Variants in HS6ST3 observed in about 807,000 individuals in gnomAD.
HS6ST3 encodes the protein heparan sulfate 6-O-sulfotransferase 3, also known as heparan-sulfate 6-O-sulfotransferase 3.
In HS6ST3, 12 loss-of-function variants were observed where a neutral mutation model predicts 36.7. The ratio of observed to expected loss-of-function variants is 0.33; its 90% CI spans 0.21 to 0.53. The LOEUF is 0.53. Ranked by LOEUF, HS6ST3 falls within the 20% of genes least tolerant of loss-of-function variation. The probability of loss-of-function intolerance (pLI) is 0.95; values close to 1 mark genes in which losing one functional copy is unlikely to be tolerated. For missense variants in HS6ST3, 584 were observed against 640.9 expected (o/e 0.91, Z 0.96); for synonymous variants, 240 against 257.5 (o/e 0.93, Z 0.65).
chr13:96,809,499 C>A (rs1878269527), intron 1 of HS6ST3, among the ~76,000 whole-genome samples: 1 of 152,156 alleles, frequency 6.6e-6, no homozygotes, highest in Non-Finnish European at 1.5e-5. Context: ...AACACAGAGC[C>A]CTCAGGTCCA....
chr13:96,269,041 A>G (rs1367731389), intron 1 of HS6ST3, among the ~76,000 whole-genome samples: 2 of 151,946 alleles, frequency 1.3e-5, no homozygotes, highest in African/African-American at 4.8e-5. Flanking sequence ...AACTGTTATT[A>G]TATTGTACTG....
rs149205509 is a variant in HS6ST3, at chr13:96,389,178, A to C, written c.707+297609A>C. ...ACTTGTATATAGCATAAATAAGTCTAGATATCTCATGTAAGACATGATGAC... is the reference window on the plus strand; with the variant it reads ...ACTTGTATATAGCATAAATAAGTCTCGATATCTCATGTAAGACATGATGAC... On this transcript the variant is annotated intron_variant, in intron 1 of 1. Transcript: ENST00000376705. Among the ~76,000 whole-genome samples the C allele has an allele frequency of 1.5e-3, 229 of 152,322 alleles. 1 individual carries two copies. The highest frequency in any genetic ancestry group is 5.2e-3 in the African/African-American group (216 of 41,578).
At chr13:96,578,314 T>A (rs1314829127) in intron 1 of HS6ST3, among the ~76,000 whole-genome samples, 3 of 152,136 alleles carry the variant, frequency 2.0e-5, no homozygotes, top group African/African-American at 7.2e-5. Flanking sequence ...TAAAAATGTG[T>A]GGCTGGTGGG....
chr13:96,263,667 A>C (rs1406507326), intron 1 of HS6ST3, among the ~76,000 whole-genome samples: 1 of 152,248 alleles, frequency 6.6e-6, no homozygotes, highest in Non-Finnish European at 1.5e-5. Context: ...ATAGTTCTTA[A>C]GTATTTAATG....
intron 1 of HS6ST3, among the ~76,000 whole-genome samples, chr13:96,414,006 A>G (rs898712375): frequency 6.6e-6 from 1 of 152,226 alleles, no homozygotes; most frequent in Non-Finnish European, 1.5e-5. Flanking sequence ...TAAACTGGAC[A>G]ATAGCCAAAT....
At chr13:96,543,072 C>G (rs919579629) in intron 1 of HS6ST3, among the ~76,000 whole-genome samples, 2 of 152,144 alleles carry the variant, frequency 1.3e-5, no homozygotes, top group Non-Finnish European at 2.9e-5. Context: ...CATACCATGT[C>G]CCTATCTTTA....
chr13:96,808,562 T>C (rs1428965430), intron 1 of HS6ST3, among the ~76,000 whole-genome samples: 2 of 152,200 alleles, frequency 1.3e-5, no homozygotes, highest in African/African-American at 4.8e-5. Context: ...GACTTGAACG[T>C]AAAATAAGTC....
chr13:96,207,517 A>T (rs2054376811), intron 1 of HS6ST3, among the ~76,000 whole-genome samples: 2 of 152,122 alleles, frequency 1.3e-5, no homozygotes, highest in Admixed American at 1.3e-4. Context: ...TGTTATAAAG[A>T]TACCTGCATG....
chr13:96,102,161 T>G (rs2053821461), intron 1 of HS6ST3, among the ~76,000 whole-genome samples: 1 of 152,222 alleles, frequency 6.6e-6, no homozygotes, highest in African/African-American at 2.4e-5. Context: ...AGAGGTGGAC[T>G]AATGGATATT....
chr13:96,175,402 T>C (rs2054207714), intron 1 of HS6ST3, among the ~76,000 whole-genome samples: 1 of 152,126 alleles, frequency 6.6e-6, no homozygotes, highest in Non-Finnish European at 1.5e-5. Context: ...TCTTTATCTT[T>C]GATATGTGAA....
At chr13:96,233,148 T>C (rs2054516462) in intron 1 of HS6ST3, among the ~76,000 whole-genome samples, 1 of 152,208 alleles carries the variant, frequency 6.6e-6, no homozygotes, top group Admixed American at 6.5e-5. Context: ...TGTGGAAATA[T>C]TTCTATAAAT....
At chr13:96,210,960 C>T (rs1475879783) in intron 1 of HS6ST3, among the ~76,000 whole-genome samples, 1 of 151,180 alleles carries the variant, frequency 6.6e-6, no homozygotes, top group Non-Finnish European at 1.5e-5. Flanking sequence ...GAGACAGAGT[C>T]TCACTCTGTT....
At chr13:96,623,724 TGA>T (rs1243617826) in intron 1 of HS6ST3, among the ~76,000 whole-genome samples, 1 of 152,160 alleles carries the variant, frequency 6.6e-6, no homozygotes, top group African/African-American at 2.4e-5. Context: ...CCTCACTTGT[TGA>T]GAGTGGTGTT....
intron 1 of HS6ST3, among the ~76,000 whole-genome samples, chr13:96,258,569 T>C (rs1285416702): frequency 1.3e-5 from 2 of 152,162 alleles, no homozygotes; most frequent in African/African-American, 4.8e-5. Context: ...AGAGTAAAGA[T>C]TAAACAAGAT....
intron 1 of HS6ST3, among the ~76,000 whole-genome samples, chr13:96,329,935 A>C (rs1026178439): frequency 2.0e-5 from 3 of 149,764 alleles, no homozygotes; most frequent in African/African-American, 7.4e-5. Context: ...ACCATTATGT[A>C]ATGGCCTTCT....
chr13:96,799,997 T>C (rs1422543955), intron 1 of HS6ST3, among the ~76,000 whole-genome samples: 4 of 104,636 alleles, frequency 3.8e-5, no homozygotes, highest in East Asian at 4.6e-4. Context: ...TATATATATA[T>C]GTATATATAT....
intron 1 of HS6ST3, among the ~76,000 whole-genome samples, chr13:96,809,411 T>C (rs1234144675): frequency 6.6e-6 from 1 of 152,190 alleles, no homozygotes; most frequent in Non-Finnish European, 1.5e-5. Flanking sequence ...TATCCTGTCT[T>C]GTTTTTTGCT....
At chr13:96,168,042 A>AT (rs1419632205) in intron 1 of HS6ST3, among the ~76,000 whole-genome samples, 1 of 152,196 alleles carries the variant, frequency 6.6e-6, no homozygotes. Flanking sequence ...CGAAAGTTTT[A>AT]TTGGCAGTAA....
chr13:96,130,253 G>T (rs2053969397), intron 1 of HS6ST3, among the ~76,000 whole-genome samples: 2 of 152,134 alleles, frequency 1.3e-5, no homozygotes, highest in South Asian at 4.1e-4. Flanking sequence ...GAATGGCTTT[G>T]CTTTGGTTGA....
Sources: allele counts gnomAD v4.1 joint callset (sites outside exome capture counted in the v4.1 genomes callset), GRCh38; gene constraint gnomAD v4.1.1; transcripts MANE v1.5; gene names NCBI Gene and HGNC (gene_info 2026-07-23, HGNC 2026-07-21).